Variants in CTNNA2 observed in about 807,000 individuals in gnomAD.
The protein encoded by CTNNA2 is catenin alpha 2, also known as catenin alpha-2.
CTNNA2 carries 42 observed loss-of-function variants against 101.0 expected under a neutral mutation model. The ratio of observed to expected loss-of-function variants is 0.42; its 90% CI spans 0.32 to 0.54. The LOEUF (loss-of-function observed/expected upper bound fraction) is 0.54, where lower values mean the gene tolerates loss of function less well. Ranked by LOEUF, CTNNA2 falls within the 20% of genes least tolerant of loss-of-function variation. The probability of loss-of-function intolerance (pLI) is 0.14; values close to 1 mark genes in which losing one functional copy is unlikely to be tolerated. For missense variants in CTNNA2, 871 were observed against 1,223.1 expected (o/e 0.71, Z 4.29); for synonymous variants, 450 against 456.4 (o/e 0.99, Z 0.18).
chr2:80,023,044 A>G (rs1215355166), intron 7 of CTNNA2, among the ~76,000 whole-genome samples: 1 of 152,212 alleles, frequency 6.6e-6, no homozygotes, highest in Non-Finnish European at 1.5e-5. Context: ...CCATGCTCCA[A>G]ATAACTATAT....
intron 9 of CTNNA2, among the ~76,000 whole-genome samples, chr2:80,455,861 C>T (rs1387680874): frequency 6.6e-6 from 1 of 152,084 alleles, no homozygotes; most frequent in Non-Finnish European, 1.5e-5. Context: ...GTTCTCAGTG[C>T]ACTGATCCAT....
chr2:80,345,949 G>T (rs1254923364), intron 7 of CTNNA2, among the ~76,000 whole-genome samples: 1 of 152,142 alleles, frequency 6.6e-6, no homozygotes, highest in East Asian at 1.9e-4. Context: ...TTAAATCATG[G>T]TGGCCTGCAG....
At chr2:80,591,457 G>GTTTTTCTTTTTTTTTTTTTTTTTT (rs1696486523) in intron 15 of CTNNA2, among the ~76,000 whole-genome samples, 1 of 70,314 alleles carries the variant, frequency 1.4e-5, no homozygotes, top group Non-Finnish European at 3.0e-5. Flanking sequence ...TGCACAGCCT[G>GTTTTTCTTTTTTTTTTTTTTTTTT]TTTTTTTTTT....
At chr2:79,933,381 C>A (rs949792545) in intron 7 of CTNNA2, among the ~76,000 whole-genome samples, 10 of 151,884 alleles carry the variant, frequency 6.6e-5, no homozygotes, top group African/African-American at 2.4e-4. Context: ...AATTGAATCT[C>A]ACAGAGTTAA....
chr2:80,571,797 G>A (rs1694627142), intron 12 of CTNNA2, among the ~76,000 whole-genome samples: 1 of 152,142 alleles, frequency 6.6e-6, no homozygotes, highest in Non-Finnish European at 1.5e-5. Context: ...TGGTTCCTGA[G>A]TTGGAGGATT....
chr2:80,643,211 G>A (rs1673679606), intron 18 of CTNNA2, among the ~76,000 whole-genome samples: 1 of 152,128 alleles, frequency 6.6e-6, no homozygotes, highest in Non-Finnish European at 1.5e-5. Context: ...GAGGGCTGAG[G>A]ATTCATCTGC....
chr2:80,423,962 C>CT (rs749283707), intron 9 of CTNNA2, among the ~76,000 whole-genome samples: 98 of 146,250 alleles, frequency 6.7e-4, no homozygotes, highest in Non-Finnish European at 1.0e-3. Context: ...AGCAAACGTT[C>CT]TTTTTTTTTT....
At chr2:79,456,111 C>T (rs1365039459) in intron 4 of CTNNA2, among the ~76,000 whole-genome samples, 1 of 150,026 alleles carries the variant, frequency 6.7e-6, no homozygotes, top group Non-Finnish European at 1.5e-5. Flanking sequence ...TTTAAAATTA[C>T]ATCTTCAAAT....
intron 3 of CTNNA2, among the ~76,000 whole-genome samples, chr2:79,370,635 T>C (rs1677848962): frequency 6.6e-6 from 1 of 152,188 alleles, no homozygotes; most frequent in Non-Finnish European, 1.5e-5. Context: ...TAACTTTTTT[T>C]TTTTTCTGAG....
At chr2:79,653,726 T>C (rs919692873) in intron 2 of CTNNA2, among the ~76,000 whole-genome samples, 3 of 152,182 alleles carry the variant, frequency 2.0e-5, no homozygotes, top group Non-Finnish European at 4.4e-5. Flanking sequence ...TTTGGCTTAA[T>C]AGTTATTCCC....
intron 7 of CTNNA2, among the ~76,000 whole-genome samples, chr2:80,367,109 G>A (rs1369403105): frequency 6.6e-6 from 1 of 151,978 alleles, no homozygotes; most frequent in Non-Finnish European, 1.5e-5. Context: ...AGAATGGGAG[G>A]CAGGTTTGCT....
At chr2:79,699,137 C>A (rs1225106377) in intron 2 of CTNNA2, among the ~76,000 whole-genome samples, 1 of 152,024 alleles carries the variant, frequency 6.6e-6, no homozygotes, top group Non-Finnish European at 1.5e-5. Context: ...TTCCCATATG[C>A]CTGTAGGACA....
chr2:79,892,903 G>T (rs531410472), intron 6 of CTNNA2, among the ~76,000 whole-genome samples: 1 of 152,236 alleles, frequency 6.6e-6, no homozygotes, highest in Non-Finnish European at 1.5e-5. Flanking sequence ...ATTGTTAAAA[G>T]CTCTAATTGT....
intron 3 of CTNNA2, among the ~76,000 whole-genome samples, chr2:79,757,030 A>G (rs1350567729): frequency 6.6e-6 from 1 of 152,238 alleles, no homozygotes; most frequent in Non-Finnish European, 1.5e-5. Context: ...AAACAGATTT[A>G]ATTGCCTTAT....
At chr2:80,215,197 G>T (rs1038361750) in intron 7 of CTNNA2, among the ~76,000 whole-genome samples, 1 of 151,962 alleles carries the variant, frequency 6.6e-6, no homozygotes, top group South Asian at 2.1e-4. Context: ...TTTACAATGG[G>T]TTAGAACATC....
chr2:80,103,892 G>A (rs1700709239), intron 7 of CTNNA2, among the ~76,000 whole-genome samples: 1 of 152,086 alleles, frequency 6.6e-6, no homozygotes, highest in Non-Finnish European at 1.5e-5. Flanking sequence ...CTGCCACCAT[G>A]GCGGCTAACT....
chr2:80,202,506 A>G (rs973632451), intron 7 of CTNNA2, among the ~76,000 whole-genome samples: 1 of 152,170 alleles, frequency 6.6e-6, no homozygotes, highest in African/African-American at 2.4e-5. Context: ...AATGGGTTGA[A>G]TCCAGAATTC....
At chr2:79,289,114 T>C (rs1436797955) in intron 2 of CTNNA2, among the ~76,000 whole-genome samples, 2 of 152,170 alleles carry the variant, frequency 1.3e-5, no homozygotes, top group Non-Finnish European at 2.9e-5. Context: ...TGAGAGAATC[T>C]ATTTTCTTCC....
At chr2:79,999,888 G>A (rs535888157) in intron 7 of CTNNA2, among the ~76,000 whole-genome samples, 1 of 152,254 alleles carries the variant, frequency 6.6e-6, no homozygotes, top group Admixed American at 6.5e-5. Context: ...ACTTACTGAC[G>A]TGTTCATGGT....
Sources: allele counts gnomAD v4.1 joint callset (sites outside exome capture counted in the v4.1 genomes callset), GRCh38; gene constraint gnomAD v4.1.1; transcripts MANE v1.5; gene names NCBI Gene and HGNC (gene_info 2026-07-23, HGNC 2026-07-21).